Variants in GLI3 observed in about 807,000 individuals in gnomAD.
GLI3 encodes the protein transcription activator GLI3.
In GLI3, 20 loss-of-function variants were observed where a neutral mutation model predicts 100.8. The ratio of observed to expected loss-of-function variants is 0.20; its 90% CI spans 0.14 to 0.29. GLI3 has a LOEUF of 0.29. Among genes scored for constraint, GLI3 ranks in the 10% least tolerant of loss-of-function variants. The pLI is 1.00. For missense variants in GLI3, 2,040 were observed against 2,128.5 expected, an observed-to-expected ratio of 0.96 and a Z score of 0.82; for synonymous variants, 938 against 860.5, an observed-to-expected ratio of 1.09 and a Z score of -1.58.
chr7:42,029,844 G>A (rs148755970), intron 7 of GLI3, among the ~76,000 whole-genome samples: 19 of 152,162 alleles, frequency 1.2e-4, no homozygotes, highest in Non-Finnish European at 2.5e-4. Context: ...CTATTCTCAT[G>A]GCAGCACGCA....
chr7:42,077,894 A>G (rs971124641), intron 3 of GLI3, among the ~76,000 whole-genome samples: 3 of 152,184 alleles, frequency 2.0e-5, no homozygotes, highest in Admixed American at 6.5e-5. Flanking sequence ...ACTAAATACG[A>G]CAGCAAAATG....
rs116435482 is a variant in GLI3, at chr7:42,263,167, G to T, written c.-43+827C>A. 9.3e-3 allele frequency among the ~76,000 whole-genome samples: 1,411 copies of T among 152,244 alleles called. 22 individuals are homozygous for T. The highest frequency in any genetic ancestry group is 0.032 in the African/African-American group (1,345 of 41,540). ...ATCCAGCATAGCTGGTCTCGTGTACGCCTTCTGAGTGCTTACTATAGATAC... is the reference window on the plus strand; with the variant it reads ...ATCCAGCATAGCTGGTCTCGTGTACTCCTTCTGAGTGCTTACTATAGATAC... On this transcript the variant is annotated intron_variant, in intron 1 of 2. Coordinates refer to the GLI3 transcript ENST00000678978.
chr7:42,198,603 C>T (rs1411351194), intron 2 of GLI3, among the ~76,000 whole-genome samples: 1 of 152,148 alleles, frequency 6.6e-6, no homozygotes, highest in Non-Finnish European at 1.5e-5. Flanking sequence ...TTTGGCAAGA[C>T]CTGGAATCAG....
chr7:42,089,341 T>C (rs976186638), intron 3 of GLI3, among the ~76,000 whole-genome samples: 1 of 152,260 alleles, frequency 6.6e-6, no homozygotes, highest in African/African-American at 2.4e-5. Context: ...TGTTTCCAAC[T>C]GTTACTAATG....
upstream of GLI3, among the ~76,000 whole-genome samples, chr7:42,239,223 G>C (rs1176898032): frequency 1.3e-5 from 2 of 152,214 alleles, no homozygotes; most frequent in Non-Finnish European, 2.9e-5. Context: ...CAGAAGCCCT[G>C]TGGCAGCCCC....
intron 9 of GLI3, among the ~76,000 whole-genome samples, chr7:42,024,445 T>C (rs1028766942): frequency 6.6e-6 from 1 of 152,220 alleles, no homozygotes; most frequent in African/African-American, 2.4e-5. Flanking sequence ...TGACACAATT[T>C]ACTCCAGCCT....
At chr7:42,194,547 C>A (rs1787888698) in intron 2 of GLI3, among the ~76,000 whole-genome samples, 1 of 152,110 alleles carries the variant, frequency 6.6e-6, no homozygotes, top group African/African-American at 2.4e-5. Flanking sequence ...TGGATGCCCT[C>A]CAGCTTAACC....
rs754613495 is a variant in GLI3 at position 42,148,500 on chromosome 7, A to G, written c.125-32T>C. The G allele has an allele frequency of 4.4e-6, 7 of 1,598,562 alleles. No homozygotes were observed. The East Asian group carries it at 1.1e-4, about 25-fold the overall frequency. On this transcript the variant is annotated intron_variant, in intron 2 of 14. Transcript: ENST00000395925. ...AAAGAAGAAAAATGAAAGACTCTGT[A>G]AACTACTTTAAGGAGCAATTAAAAA...
intron 10 of GLI3, among the ~76,000 whole-genome samples, chr7:42,012,688 A>T (rs996989735): frequency 1.4e-4 from 22 of 152,226 alleles, no homozygotes; most frequent in African/African-American, 5.3e-4. Context: ...GATCAAGAAA[A>T]AAAAAATCTG....
chr7:42,132,702 G>A (rs995365254), intron 3 of GLI3, among the ~76,000 whole-genome samples: 2 of 152,128 alleles, frequency 1.3e-5, no homozygotes, highest in Non-Finnish European at 2.9e-5. Flanking sequence ...CCTCTCAGTG[G>A]ATTACAGGCT....
intron 10 of GLI3, among the ~76,000 whole-genome samples, chr7:42,023,034 G>A (rs58213029): frequency 6.1e-4 from 93 of 152,284 alleles, no homozygotes; most frequent in African/African-American, 2.1e-3. Context: ...TTAAAAGAAC[G>A]GGAGCTTCCT....
intron 3 of GLI3, among the ~76,000 whole-genome samples, chr7:42,114,996 C>T (rs1045408034): frequency 4.6e-5 from 7 of 151,646 alleles, no homozygotes; most frequent in African/African-American, 1.7e-4. Context: ...GCCACCGCAC[C>T]GACCAGGAGA....
intron 10 of GLI3, among the ~76,000 whole-genome samples, chr7:42,010,226 G>A (rs1389839662): frequency 6.6e-6 from 1 of 152,216 alleles, no homozygotes; most frequent in East Asian, 1.9e-4. Context: ...CGAGGCTCCA[G>A]AGGCTGCCCT....
intron 2 of GLI3, among the ~76,000 whole-genome samples, chr7:42,155,288 A>G (rs1413994857): frequency 6.6e-6 from 1 of 151,994 alleles, no homozygotes; most frequent in Non-Finnish European, 1.5e-5. Context: ...AAAAAAACAA[A>G]ATCAGCCAGG....
At chr7:42,014,789 T>A (rs139526018) in intron 10 of GLI3, among the ~76,000 whole-genome samples, 2 of 152,308 alleles carry the variant, frequency 1.3e-5, no homozygotes, top group Non-Finnish European at 2.9e-5. Context: ...CGTTTTCTTC[T>A]AGCTGCTATG....
At chr7:42,259,509 T>C (rs1789118212) in intron 1 of GLI3, among the ~76,000 whole-genome samples, 1 of 152,228 alleles carries the variant, frequency 6.6e-6, no homozygotes, top group Non-Finnish European at 1.5e-5. Flanking sequence ...TAAGATTGAA[T>C]AATATAACTT....
intron 10 of GLI3, among the ~76,000 whole-genome samples, chr7:42,001,118 G>A (rs111609571): frequency 7.0e-4 from 106 of 151,278 alleles, no homozygotes; most frequent in African/African-American, 1.7e-3. Flanking sequence ...GGTGGTGAGC[G>A]TCTGTAATCC....
intron 2 of GLI3, among the ~76,000 whole-genome samples, chr7:42,182,056 A>T (rs925856356): frequency 6.6e-6 from 1 of 152,080 alleles, no homozygotes; most frequent in Non-Finnish European, 1.5e-5. Flanking sequence ...CTGGGGCCCT[A>T]CGATTTACAA....
chr7:42,172,665 G>C (rs1380642577), intron 2 of GLI3: 4 of 701,786 alleles, frequency 5.7e-6, no homozygotes, highest in Non-Finnish European at 1.0e-5. Flanking sequence ...CCAGCCTCTG[G>C]CCTGGGCCTC....
Sources: gnomAD v4.1 joint callset for allele counts (sites outside exome capture counted in the v4.1 genomes callset) on GRCh38, gnomAD v4.1.1 for gene constraint, MANE v1.5 for transcripts, NCBI Gene and HGNC (gene_info 2026-07-23, HGNC 2026-07-21) for gene names.